The following ABHD2 variants were observed in gnomAD, a reference collection of about 807,000 sequenced individuals.
ABHD2 encodes abhydrolase domain containing 2, acylglycerol lipase.
ABHD2 carries 20 observed loss-of-function variants against 48.1 expected under a neutral mutation model. The ratio of observed to expected loss-of-function variants is 0.42; its 90% CI spans 0.29 to 0.60. The LOEUF is 0.60. Ranked by LOEUF, ABHD2 falls within the 20% of genes least tolerant of loss-of-function variation. The pLI, the probability that ABHD2 is intolerant of heterozygous loss-of-function variation, is 0.24. For missense variants in ABHD2, 405 were observed against 550.9 expected (o/e 0.74, Z 2.65); for synonymous variants, 209 against 214.2 (o/e 0.98, Z 0.21).
At position 89,185,227 on chromosome 15, in the gene ABHD2, G is replaced by A. The variant is rs1009827235; in HGVS notation, c.723-197G>A. Among the ~76,000 whole-genome samples, 5 of 152,184 alleles carry A rather than the reference G, an allele frequency of 3.3e-5. No individual in the cohort carries two copies. Among genetic ancestry groups the A allele is most frequent in the East Asian group, 1.9e-4 (1 of 5,194 alleles). On this transcript the variant is annotated intron_variant, in intron 6 of 10. Transcript: ENST00000352732. This position sits in a 1 kb window ranked among gnomAD's most constrained non-coding sequence, Gnocchi z 5.9. ...CTTTGCCGGGGTCCCCTTCCCCTGCGCTGTCTTGGTGTCTCCATAGATTTC... is the reference window on the plus strand; with the variant it reads ...CTTTGCCGGGGTCCCCTTCCCCTGCACTGTCTTGGTGTCTCCATAGATTTC...
At chr15:89,048,038 G>T in the ABHD2 span, among the ~76,000 whole-genome samples, 1 of 151,666 alleles carries the variant, frequency 6.6e-6, no homozygotes, top group African/African-American at 2.4e-5. Context: ...AGCTGGTACC[G>T]GTTGTTCCTT....
chr15:89,170,113 T>TGGG (rs1555432375), intron 5 of ABHD2, among the ~76,000 whole-genome samples: 1 of 103,652 alleles, frequency 9.6e-6, no homozygotes, highest in East Asian at 2.4e-4. Flanking sequence ...TTTTTTTTTT[T>TGGG]GGAGACGGGG....
the ABHD2 span, among the ~76,000 whole-genome samples, chr15:89,077,473 C>T: frequency 6.6e-6 from 1 of 152,128 alleles, no homozygotes; most frequent in Non-Finnish European, 1.5e-5. Flanking sequence ...TCTTTGGGTA[C>T]ATACTTAAGA....
At chr15:89,095,988 G>A (rs1437843594) in intron 1 of ABHD2, among the ~76,000 whole-genome samples, 3 of 152,186 alleles carry the variant, frequency 2.0e-5, no homozygotes, top group Non-Finnish European at 4.4e-5. Context: ...AAAATACAGA[G>A]ATGAACTTCG....
At chr15:89,047,387 G>A in the ABHD2 span, among the ~76,000 whole-genome samples, 5 of 152,080 alleles carry the variant, frequency 3.3e-5, no homozygotes, top group African/African-American at 9.7e-5. Flanking sequence ...ATTTGGGGTG[G>A]AGAGTTCTGT....
the ABHD2 span, among the ~76,000 whole-genome samples, chr15:89,055,413 G>T: frequency 1.4e-5 from 2 of 144,538 alleles, no homozygotes; most frequent in African/African-American, 5.2e-5. Context: ...TGCAACCTCT[G>T]CCTCCTGGAC....
rs1264965937 is a variant in ABHD2, at chr15:89,168,962, T to G, written c.539-6850T>G. Among the ~76,000 whole-genome samples the G allele has an allele frequency of 6.6e-6, 1 of 152,092 alleles. No homozygotes were observed. The highest frequency in any genetic ancestry group is 1.5e-5 in the Non-Finnish European group (1 of 67,998). ...CAGAAATTAGCTGGGTTTGGTGGCA[T>G]GTGCCTATAGTCCCAGCTACTCAAG... is the stretch of plus-strand genomic sequence containing the variant. On this transcript the variant is annotated intron_variant, in intron 5 of 10. Coordinates refer to ENST00000352732, the MANE Select transcript of ABHD2 (RefSeq NM_152924.5). This position sits in a 1 kb window ranked among gnomAD's most constrained non-coding sequence, Gnocchi z 4.8.
chr15:89,159,178 A>AG (rs1345193326), intron 5 of ABHD2, among the ~76,000 whole-genome samples: 1 of 151,918 alleles, frequency 6.6e-6, no homozygotes, highest in East Asian at 2.0e-4. Context: ...GGAGTTTGAG[A>AG]GCAGCCTGGC....
At chr15:89,160,020 C>A (rs2050738177) in intron 5 of ABHD2, among the ~76,000 whole-genome samples, 1 of 152,150 alleles carries the variant, frequency 6.6e-6, no homozygotes, top group South Asian at 2.1e-4. Flanking sequence ...AATTTGGATG[C>A]TTTGTTGAAA....
intron 4 of ABHD2, among the ~76,000 whole-genome samples, chr15:89,152,110 G>T (rs1002360874): frequency 6.7e-6 from 1 of 149,520 alleles, no homozygotes; most frequent in Admixed American, 6.7e-5. Flanking sequence ...GAGTCTCGCT[G>T]TGTCGCCCAG....
chr15:89,115,838 C>A (rs1009122368), intron 2 of ABHD2, among the ~76,000 whole-genome samples: 1 of 152,076 alleles, frequency 6.6e-6, no homozygotes, highest in African/African-American at 2.4e-5. Flanking sequence ...CAGTCCTTTC[C>A]GGGTTTCTGT....
chr15:89,193,561 A>G (rs1359609785), intron 10 of ABHD2: 2 of 544,036 alleles, frequency 3.7e-6, no homozygotes, highest in African/African-American at 1.9e-5. Flanking sequence ...ATCCATAGCC[A>G]GTAGGGCTTT....
rs955809178 is a variant in ABHD2, at chr15:89,188,873, T to C, written c.926+570T>C. 2.2e-5 allele frequency among the ~76,000 whole-genome samples: 3 copies of C among 137,238 alleles called. No individual in the cohort carries two copies. The highest frequency in any genetic ancestry group is 7.7e-5 in the African/African-American group (3 of 38,860). 90.0% of individuals were successfully genotyped at this position (137,238 alleles called of 152,430 possible). ...CAGCCAGGGTGACACAGCAAGACCCTTCTCAAAATTAAAAAAAAAAAAAAA... is the reference window on the plus strand; with the variant it reads ...CAGCCAGGGTGACACAGCAAGACCCCTCTCAAAATTAAAAAAAAAAAAAAA... On this transcript the variant is annotated intron_variant, in intron 8 of 10. Transcript: ENST00000352732. This position sits in a 1 kb window ranked among gnomAD's most constrained non-coding sequence, Gnocchi z 4.1.
At chr15:89,060,798 T>C in the ABHD2 span, among the ~76,000 whole-genome samples, 1 of 152,182 alleles carries the variant, frequency 6.6e-6, no homozygotes, top group Admixed American at 6.5e-5. Context: ...AAACTATTAA[T>C]ATTTTTTAAA....
intron 4 of ABHD2, among the ~76,000 whole-genome samples, chr15:89,154,792 A>G (rs533190058): frequency 6.6e-6 from 1 of 152,248 alleles, no homozygotes. Context: ...ATTTCTGGGC[A>G]TTTAGATTGT....
chr15:89,060,904 T>TA, the ABHD2 span, among the ~76,000 whole-genome samples: 16 of 150,394 alleles, frequency 1.1e-4, no homozygotes, highest in Non-Finnish European at 1.9e-4. Flanking sequence ...ATACAGCCAT[T>TA]AAAAAAAAAT....
chr15:89,047,550 C>T, the ABHD2 span, among the ~76,000 whole-genome samples: 5 of 142,766 alleles, frequency 3.5e-5, no homozygotes, highest in African/African-American at 1.4e-4. Context: ...TTGTAGGTCA[C>T]TCAGGACTTG....
In ABHD2 at chr15:89,200,583, A is replaced by C. The variant is rs1596175881; in HGVS notation, c.*5160A>C. 1.3e-5 allele frequency: 2 copies of C among 153,510 alleles called. No individual in the cohort carries two copies. Among genetic ancestry groups the C allele is most frequent in the African/African-American group, 2.4e-5 (1 of 41,486 alleles). The allele number at this position is 153,510 out of a possible 1,614,324, so 9.5% of individuals were successfully genotyped here. The stretch of plus-strand genomic sequence containing the variant: ...TGATCTGGTAATATACAATTTGTCC[A>C]GTAGCCAGTTTGTTTTTATTGTGTT... On this transcript the variant is annotated 3_prime_UTR_variant, in exon 11 of 11. Transcript: ENST00000352732.
chr15:89,136,308 A>G (rs1450785695), intron 3 of ABHD2: 3 of 465,250 alleles, frequency 6.4e-6, no homozygotes, highest in Admixed American at 2.3e-5. Context: ...TGCCTTTGCC[A>G]TATCTTCGAA....
Sources: gnomAD v4.1 joint callset for allele counts (sites outside exome capture counted in the v4.1 genomes callset) on GRCh38, gnomAD v4.1.1 for gene constraint, Gnocchi (gnomAD v3.1) non-coding constraint, MANE v1.5 for transcripts, NCBI Gene and HGNC (gene_info 2026-07-23, HGNC 2026-07-21) for gene names.